RAPGEF4: variants seen among roughly 807,000 people sequenced by gnomAD.
RAPGEF4 encodes RAP guanine-nucleotide-exchange factor (GEF) 4.
Under a neutral mutation model 147.9 loss-of-function variants are expected in RAPGEF4, and 66 were observed. The observed-to-expected ratio is 0.45, with a 90% confidence interval of 0.37 to 0.55. The LOEUF (loss-of-function observed/expected upper bound fraction) is 0.55, where lower values mean the gene tolerates loss of function less well. Ranked by LOEUF, RAPGEF4 falls within the 20% of genes least tolerant of loss-of-function variation. The pLI is 0.00. For missense variants in RAPGEF4, 1,071 were observed against 1,257.3 expected, an observed-to-expected ratio of 0.85 and a Z score of 2.24; for synonymous variants, 419 against 442.7, an observed-to-expected ratio of 0.95 and a Z score of 0.67.
intron 5 of RAPGEF4, 120 bp from the exon 6 acceptor site, chr2:172,922,161 C>T (rs1179685424): frequency 1.8e-5 from 16 of 910,558 alleles, no homozygotes; most frequent in East Asian, 1.2e-4. Context: ...TAAGTTTTCA[C>T]GGAAATGCAA....
chr2:172,763,002 A>G (rs1356427470), intron 1 of RAPGEF4, among the ~76,000 whole-genome samples: 2 of 152,178 alleles, frequency 1.3e-5, no homozygotes, highest in African/African-American at 4.8e-5. Flanking sequence ...AAAGAAGGAA[A>G]GGCTTATTTA....
intron 4 of RAPGEF4, among the ~76,000 whole-genome samples, chr2:172,880,475 A>G (rs75230956): frequency 3.6e-4 from 55 of 152,318 alleles, no homozygotes; most frequent in African/African-American, 1.3e-3. Flanking sequence ...TGCCTGGTAT[A>G]TAGGAAATGC....
chr2:172,900,171 A>C (rs1698923159), intron 4 of RAPGEF4, among the ~76,000 whole-genome samples: 1 of 152,254 alleles, frequency 6.6e-6, no homozygotes, highest in African/African-American at 2.4e-5. Flanking sequence ...GAATAAATGC[A>C]GTAAGAGCAA....
In RAPGEF4 at chr2:173,042,624, A is replaced by G. The variant is rs1033963557; in HGVS notation, c.2853+5932A>G. Among the ~76,000 whole-genome samples the G allele has an allele frequency of 4.0e-5, 6 of 148,202 alleles. No homozygotes were observed. Among genetic ancestry groups the G allele is most frequent in the Admixed American group, 6.7e-5 (1 of 14,992 alleles). On this transcript the variant is annotated intron_variant, in intron 29 of 30. Transcript: ENST00000397081. The surrounding 1 kb of genome is among the most constrained non-coding windows in gnomAD (Gnocchi z 4.2). The stretch of plus-strand genomic sequence containing the variant: ...GGCAATAGAGTAAGACTCCAAATCA[A>G]AAAAAAAAAGGGAAAGAAAATTGGA...
At chr2:172,990,954 C>T (rs1317523763) in intron 15 of RAPGEF4, 29 bp downstream of exon 15, 2 of 1,491,960 alleles carry the variant, frequency 1.3e-6, no homozygotes, top group Admixed American at 1.7e-5. Context: ...CTGTAATTGC[C>T]AGACTATGAT....
At chr2:172,849,262 C>T (rs900285987) in intron 4 of RAPGEF4, among the ~76,000 whole-genome samples, 11 of 152,128 alleles carry the variant, frequency 7.2e-5, no homozygotes, top group Admixed American at 5.9e-4. Flanking sequence ...TATGACAGAA[C>T]ATAATAGAAC....
chr2:172,770,816 A>G (rs1683488327), intron 1 of RAPGEF4, among the ~76,000 whole-genome samples: 1 of 152,202 alleles, frequency 6.6e-6, no homozygotes, highest in Admixed American at 6.5e-5. Context: ...CGGTATTGGT[A>G]TACCTAAGGG....
chr2:172,970,182 C>CTTTT lies in RAPGEF4; in HGVS notation c.1004+2750_1004+2753dup, dbSNP rs71018527. Among the ~76,000 whole-genome samples the CTTTT allele has an allele frequency of 6.9e-4, 96 of 140,058 alleles. 1 individual carries two copies. In the South Asian group the frequency reaches 0.016, roughly 23 times the overall value. The allele number at this position is 140,058 out of a possible 152,430, so 91.9% of individuals were successfully genotyped here. A position where few individuals can be genotyped will look rare whatever the true frequency, so the allele number is the denominator to read the frequency against. On this transcript the variant is annotated intron_variant, in intron 10 of 30. Transcript: ENST00000397081. Reference sequence around the variant, plus strand: ...CTACATGTACATACACACACACACCCTTTTTTTTTTTTTTTGATCTGCTAA... The same window carrying CTTTT: ...CTACATGTACATACACACACACACCCTTTTTTTTTTTTTTTTTTTGATCTGCTAA...
At chr2:172,966,368 G>A (rs1689843265) in intron 9 of RAPGEF4, among the ~76,000 whole-genome samples, 1 of 152,110 alleles carries the variant, frequency 6.6e-6, no homozygotes, top group Admixed American at 6.5e-5. Context: ...ATACTTTAAT[G>A]TGCATACATG....
chr2:172,778,241 G>A (rs920746754), intron 1 of RAPGEF4, among the ~76,000 whole-genome samples: 2 of 152,094 alleles, frequency 1.3e-5, no homozygotes, highest in African/African-American at 4.8e-5. Context: ...TCTTTGTTCT[G>A]TTCTGTCTTG....
intron 4 of RAPGEF4, among the ~76,000 whole-genome samples, chr2:172,883,492 A>C (rs537365921): frequency 6.6e-6 from 1 of 152,280 alleles, no homozygotes; most frequent in Admixed American, 6.5e-5. Context: ...AACTTTGGAC[A>C]TTCAAACCCT....
At chr2:172,860,567 G>GGTTTTTTT in intron 4 of RAPGEF4, among the ~76,000 whole-genome samples, 1 of 129,568 alleles carries the variant, frequency 7.7e-6, no homozygotes, top group South Asian at 2.5e-4. Flanking sequence ...GTTTATTTGG[G>GGTTTTTTT]TTTTTTTTTT....
intron 23 of RAPGEF4, among the ~76,000 whole-genome samples, chr2:173,024,798 A>G (rs1279875493): frequency 1.3e-5 from 2 of 152,168 alleles, no homozygotes; most frequent in Admixed American, 6.5e-5. Context: ...ACAAAACACA[A>G]ACTCCTAATC....
intron 4 of RAPGEF4, among the ~76,000 whole-genome samples, chr2:172,877,067 A>G (rs1211402053): frequency 1.3e-5 from 2 of 152,054 alleles, no homozygotes; most frequent in African/African-American, 4.8e-5. Context: ...TATCCCCTTT[A>G]TCACTTTTGC....
intron 10 of RAPGEF4, among the ~76,000 whole-genome samples, chr2:172,971,179 A>C (rs1690440677): frequency 6.6e-6 from 1 of 152,194 alleles, no homozygotes. Context: ...AGGTAAACAG[A>C]GTATTGTAAA....
At chr2:173,011,511 T>C (rs1372071280) in intron 17 of RAPGEF4, among the ~76,000 whole-genome samples, 1 of 152,138 alleles carries the variant, frequency 6.6e-6, no homozygotes, top group African/African-American at 2.4e-5. Flanking sequence ...TAAAGCTCTA[T>C]ACACATGTTA....
intron 30 of RAPGEF4, 147 bp downstream of exon 30, chr2:173,048,801 T>C: frequency 6.9e-7 from 1 of 1,440,428 alleles, no homozygotes; most frequent in Non-Finnish European, 9.1e-7. Flanking sequence ...ATAGGGGCCT[T>C]GAGTTTAAAG....
chr2:172,801,621 G>A (rs1219883589), intron 3 of RAPGEF4, among the ~76,000 whole-genome samples: 4 of 151,560 alleles, frequency 2.6e-5, no homozygotes, highest in Non-Finnish European at 5.9e-5. Flanking sequence ...TCTCATTTTA[G>A]AGGCTAGATA....
chr2:172,815,205 G>T (rs1048366276), intron 4 of RAPGEF4, among the ~76,000 whole-genome samples: 4 of 152,352 alleles, frequency 2.6e-5, no homozygotes, highest in Admixed American at 6.5e-5. Flanking sequence ...CAGGCTGCAG[G>T]CTTCGCCACT....
Sources: allele counts gnomAD v4.1 joint callset (sites outside exome capture counted in the v4.1 genomes callset), GRCh38; gene constraint gnomAD v4.1.1; non-coding constraint Gnocchi (gnomAD v3.1); transcripts MANE v1.5; gene names NCBI Gene and HGNC (gene_info 2026-07-23, HGNC 2026-07-21).